HHAT: variants seen among roughly 807,000 people sequenced by gnomAD.
The protein encoded by HHAT is protein-cysteine N-palmitoyltransferase HHAT.
Under a neutral mutation model 70.8 loss-of-function variants are expected in HHAT, and 47 were observed. The observed-to-expected ratio is 0.66, with a 90% CI of 0.53 to 0.85. The LOEUF (loss-of-function observed/expected upper bound fraction) is 0.85. HHAT is among the 40% of genes least tolerant of loss of function. The pLI, the probability that HHAT is intolerant of heterozygous loss-of-function variation, is 0.00. For synonymous variants in HHAT, 228 were observed against 247.6 expected, an observed-to-expected ratio of 0.92 and a Z score of 0.74; for missense variants, 609 against 604.8, an observed-to-expected ratio of 1.01 and a Z score of -0.07.
chr1:210,402,848 C>T (rs2148206612), intron 5 of HHAT, among the ~76,000 whole-genome samples: 1 of 152,264 alleles, frequency 6.6e-6, no homozygotes, highest in South Asian at 2.1e-4. Flanking sequence ...ATTCATGTGC[C>T]CTGCATCAAC....
intron 11 of HHAT, among the ~76,000 whole-genome samples, chr1:210,665,070 T>C (rs1038603295): frequency 2.0e-5 from 3 of 152,162 alleles, no homozygotes; most frequent in Non-Finnish European, 2.9e-5. Flanking sequence ...CCTCTGGAGG[T>C]TGAAATTTAT....
rs752019349 is a variant in HHAT, at chr1:210,348,959, C to A, written c.-17C>A. 1.2e-6 allele frequency: 2 copies of A among 1,612,680 alleles called. No homozygotes were observed. Among genetic ancestry groups the A allele is most frequent in the Non-Finnish European group, 1.7e-6 (2 of 1,179,618 alleles). On this transcript the variant is annotated 5_prime_UTR_variant, in exon 2 of 12. Transcript: ENST00000261458. Reference sequence around the variant, plus strand: ...AACTCTCAGCGTAGGCATCGGGAACCTTCGTGCCAAGGAGCCATGCTGCCC... The same window carrying A: ...AACTCTCAGCGTAGGCATCGGGAACATTCGTGCCAAGGAGCCATGCTGCCC...
At chr1:210,502,492 A>C (rs1200339054) in intron 8 of HHAT, among the ~76,000 whole-genome samples, 3 of 152,070 alleles carry the variant, frequency 2.0e-5, no homozygotes, top group Admixed American at 6.6e-5. Context: ...AAATCGCTGA[A>C]TTTTTAGTGA....
At chr1:210,663,530 G>C (rs1310529209) in intron 11 of HHAT, among the ~76,000 whole-genome samples, 4 of 152,176 alleles carry the variant, frequency 2.6e-5, no homozygotes, top group Admixed American at 6.5e-5. Context: ...TACTAAATGG[G>C]GCTGGTGACA....
chr1:210,658,155 A>G (rs1456137071), intron 11 of HHAT, among the ~76,000 whole-genome samples: 1 of 152,124 alleles, frequency 6.6e-6, no homozygotes, highest in East Asian at 1.9e-4. Context: ...TCTACCTCCC[A>G]TCAAAGGAGG....
At chr1:210,609,914 T>C (rs966051575) in intron 10 of HHAT, among the ~76,000 whole-genome samples, 2 of 152,232 alleles carry the variant, frequency 1.3e-5, no homozygotes, top group Non-Finnish European at 2.9e-5. Context: ...AATCTATCAT[T>C]GATGGGCGTT....
intron 2 of HHAT, among the ~76,000 whole-genome samples, chr1:210,354,101 ACT>A (rs1268210109): frequency 6.7e-6 from 1 of 150,088 alleles, no homozygotes; most frequent in Non-Finnish European, 1.5e-5. Flanking sequence ...TTTCTGTACT[ACT>A]CTCAGCAAGT....
chr1:210,500,422 C>G (rs765455906), intron 8 of HHAT, among the ~76,000 whole-genome samples: 3 of 152,166 alleles, frequency 2.0e-5, no homozygotes, highest in African/African-American at 4.8e-5. Context: ...AGTATTGACT[C>G]ATTTAATTAC....
At chr1:210,374,203 T>A (rs909934258) in intron 3 of HHAT, 1 of 152,184 alleles carries the variant, frequency 6.6e-6, no homozygotes, top group Non-Finnish European at 1.5e-5. Context: ...AACTGATTTG[T>A]TTCTCTCCAC....
chr1:210,419,333 AC>A (rs1412667182), intron 7 of HHAT, among the ~76,000 whole-genome samples: 2 of 152,134 alleles, frequency 1.3e-5, no homozygotes, highest in Admixed American at 6.5e-5. Flanking sequence ...TGGAAGTCTT[AC>A]TTCCTCAGCA....
intron 7 of HHAT, among the ~76,000 whole-genome samples, chr1:210,428,900 C>T (rs1288551069): frequency 6.6e-6 from 1 of 151,630 alleles, no homozygotes; most frequent in African/African-American, 2.4e-5. Context: ...CACTTGAGCC[C>T]AGGAGGTCAA....
intron 11 of HHAT, among the ~76,000 whole-genome samples, chr1:210,673,880 C>A (rs1032110917): frequency 1.5e-4 from 22 of 151,288 alleles, no homozygotes; most frequent in African/African-American, 5.3e-4. Flanking sequence ...AGTGATCCTC[C>A]CACCTCAGCC....
At chr1:210,367,054 T>C (rs1031181003) in intron 3 of HHAT, among the ~76,000 whole-genome samples, 3 of 152,200 alleles carry the variant, frequency 2.0e-5, no homozygotes, top group African/African-American at 7.2e-5. Flanking sequence ...CCTATGCTAG[T>C]TTCTCCTACT....
intron 9 of HHAT, among the ~76,000 whole-genome samples, chr1:210,563,843 G>A (rs2095645424): frequency 1.3e-5 from 2 of 152,192 alleles, no homozygotes; most frequent in African/African-American, 4.8e-5. Flanking sequence ...TCATTTGGAA[G>A]ATATTTCTTG....
intron 8 of HHAT, among the ~76,000 whole-genome samples, chr1:210,469,581 A>C (rs1458014279): frequency 6.6e-6 from 1 of 152,194 alleles, no homozygotes; most frequent in Non-Finnish European, 1.5e-5. Context: ...GAGATACCAA[A>C]ATATAAATGA....
intron 9 of HHAT, among the ~76,000 whole-genome samples, chr1:210,545,080 T>TAA (rs552542090): frequency 2.1e-5 from 3 of 145,996 alleles, no homozygotes; most frequent in African/African-American, 7.5e-5. Flanking sequence ...AGAATGGCTT[T>TAA]AAAAAAAAAA....
intron 11 of HHAT, among the ~76,000 whole-genome samples, chr1:210,635,180 T>TG (rs11388701): frequency 1.3e-5 from 2 of 151,844 alleles, no homozygotes; most frequent in African/African-American, 2.4e-5. Flanking sequence ...GATGAGTAAG[T>TG]CCAGACTCGG....
chr1:210,439,278 C>T (rs2093449810), intron 7 of HHAT, among the ~76,000 whole-genome samples: 2 of 151,756 alleles, frequency 1.3e-5, no homozygotes, highest in Non-Finnish European at 2.9e-5. Flanking sequence ...AGGGAGTGGG[C>T]TAGCAGGTCA....
At chr1:210,667,493 T>A (rs983136326) in intron 11 of HHAT, among the ~76,000 whole-genome samples, 8 of 152,246 alleles carry the variant, frequency 5.3e-5, no homozygotes, top group Non-Finnish European at 8.8e-5. Flanking sequence ...TGATTAATGC[T>A]GCAAATCTAT....
Sources: gnomAD v4.1 joint callset for allele counts (sites outside exome capture counted in the v4.1 genomes callset) on GRCh38, gnomAD v4.1.1 for gene constraint, MANE v1.5 for transcripts, NCBI Gene and HGNC (gene_info 2026-07-23, HGNC 2026-07-21) for gene names.